Variants in NIBAN1 observed in about 807,000 individuals in gnomAD.
The protein encoded by NIBAN1 is protein Niban 1.
A neutral mutation model predicts 75.1 loss-of-function variants in NIBAN1; 81 were observed. The observed-to-expected ratio is 1.08, with a 90% CI of 0.90 to 1.30. The LOEUF (loss-of-function observed/expected upper bound fraction) is 1.30, where lower values mean the gene tolerates loss of function less well. Among genes scored for constraint, NIBAN1 ranks in the 50% most tolerant of loss-of-function variants. The probability of loss-of-function intolerance (pLI) is 0.00; values close to 1 mark genes in which losing one functional copy is unlikely to be tolerated. For missense variants in NIBAN1, 1,133 were observed against 1,128.1 expected (o/e 1.00, Z -0.06); for synonymous variants, 436 against 424.8 (o/e 1.03, Z -0.32).
intron 1 of NIBAN1, among the ~76,000 whole-genome samples, chr1:184,953,776 A>C (rs1420560849): frequency 2.6e-5 from 4 of 152,232 alleles, no homozygotes; most frequent in Non-Finnish European, 5.9e-5. Context: ...CTGAAACATG[A>C]AATGTGTGAG....
intron 4 of NIBAN1, among the ~76,000 whole-genome samples, chr1:184,887,245 C>G (rs1656550655): frequency 6.6e-6 from 1 of 152,140 alleles, no homozygotes; most frequent in Non-Finnish European, 1.5e-5. Flanking sequence ...GCACCACCAG[C>G]ACAAGCCATG....
At chr1:184,833,407 A>G (rs1655049922) in intron 5 of NIBAN1, among the ~76,000 whole-genome samples, 1 of 151,914 alleles carries the variant, frequency 6.6e-6, no homozygotes, top group Non-Finnish European at 1.5e-5. Flanking sequence ...CTGCATTTTA[A>G]AAAATGTGGA....
At chr1:184,843,932 A>C (rs543329215) in intron 5 of NIBAN1, among the ~76,000 whole-genome samples, 139 of 152,316 alleles carry the variant, frequency 9.1e-4, no homozygotes, top group Non-Finnish European at 1.7e-3. Context: ...CGTGCCTCTC[A>C]GTGACGTTGT....
At chr1:184,866,384 T>C (rs1655957777) in intron 5 of NIBAN1, among the ~76,000 whole-genome samples, 1 of 152,156 alleles carries the variant, frequency 6.6e-6, no homozygotes, top group Non-Finnish European at 1.5e-5. Context: ...AGCTATTGGC[T>C]TAGGATTTAG....
At chr1:184,843,292 G>A (rs954300064) in intron 5 of NIBAN1, among the ~76,000 whole-genome samples, 5 of 152,122 alleles carry the variant, frequency 3.3e-5, no homozygotes, top group African/African-American at 2.4e-5. Flanking sequence ...CAGTGGATAT[G>A]TGGATTATAG....
In NIBAN1 at chr1:184,833,538, T is replaced by C. The variant is rs537298498; in HGVS notation, c.602-1576A>G. 9.9e-5 allele frequency among the ~76,000 whole-genome samples: 15 copies of C among 151,868 alleles called. No individual in the cohort carries two copies. In the South Asian group the frequency reaches 1.5e-3, roughly 15 times the overall value. On this transcript the variant is annotated intron_variant, in intron 5 of 13. Coordinates refer to ENST00000367511, the MANE Select transcript of NIBAN1 (RefSeq NM_052966.4). ...GCCTGGGCAACATAGTGAGACCACA[T>C]GTCTACAAAAAAAATTAGCTGAGCA...
intron 12 of NIBAN1, among the ~76,000 whole-genome samples, chr1:184,798,425 A>G (rs996138477): frequency 6.6e-6 from 1 of 152,228 alleles, no homozygotes; most frequent in Non-Finnish European, 1.5e-5. Flanking sequence ...ACTGTCCATG[A>G]TAAGGTGTGG....
chr1:184,970,664 A>T (rs1658912716), intron 1 of NIBAN1, among the ~76,000 whole-genome samples: 1 of 152,220 alleles, frequency 6.6e-6, no homozygotes, highest in Non-Finnish European at 1.5e-5. Context: ...GTAACTGACT[A>T]TGCAATAATA....
In NIBAN1 at chr1:184,796,021, G is replaced by A. The variant is rs761791622; in HGVS notation, c.1743C>T (p.Ser581=). 3 of 1,610,892 alleles carry A rather than the reference G, an allele frequency of 1.9e-6. No homozygotes were observed. The highest frequency in any genetic ancestry group is 2.5e-6 in the Non-Finnish European group (3 of 1,179,570). The stretch of plus-strand genomic sequence containing the variant: ...TGGGGGGCTTTAGATCTGTTAAGCT[G>A]GACACACTTTCACTGGGCAAGGCCA... The part of the protein sequence containing the change: ...DNMALPSESV[S]SLTDLKPPTG... Residue 581 remains serine, a synonymous_variant, in exon 14 of 14, where the codon TCC becomes TCT. Transcript: ENST00000367511.
At chr1:184,871,128 C>T (rs962194213) in intron 5 of NIBAN1, among the ~76,000 whole-genome samples, 3 of 151,978 alleles carry the variant, frequency 2.0e-5, no homozygotes, top group African/African-American at 7.2e-5. Context: ...GGGCAAATCA[C>T]CTGAGGTCAG....
intron 1 of NIBAN1, among the ~76,000 whole-genome samples, chr1:184,958,193 C>T (rs1658538074): frequency 6.6e-6 from 1 of 152,034 alleles, no homozygotes; most frequent in South Asian, 2.1e-4. Flanking sequence ...ATAGTGAAAC[C>T]CCATCTCTAC....
chr1:184,927,754 C>T (rs1178783120), intron 1 of NIBAN1, among the ~76,000 whole-genome samples: 1 of 152,042 alleles, frequency 6.6e-6, no homozygotes, highest in Non-Finnish European at 1.5e-5. Flanking sequence ...TGAGTTCCCC[C>T]CAGGCCCTGA....
chr1:184,884,215 CTTTTTTTTTTT>C (rs11334000), intron 5 of NIBAN1, among the ~76,000 whole-genome samples: 1 of 66,838 alleles, frequency 1.5e-5, no homozygotes, highest in Admixed American at 1.9e-4. Context: ...ATCTGTGGCT[CTTTTTTTTTTT>C]TTTTTTTTTT....
chr1:184,855,686 T>C (rs1655659401), intron 5 of NIBAN1, among the ~76,000 whole-genome samples: 1 of 152,212 alleles, frequency 6.6e-6, no homozygotes, highest in South Asian at 2.1e-4. Context: ...ACTGTGTTCA[T>C]GGTCTATTTT....
At chr1:184,821,921 C>T (rs1183955691) in intron 8 of NIBAN1, among the ~76,000 whole-genome samples, 1 of 152,126 alleles carries the variant, frequency 6.6e-6, no homozygotes, top group Non-Finnish European at 1.5e-5. Flanking sequence ...AACCTCCTCT[C>T]AGCAGGACCT....
intron 8 of NIBAN1, among the ~76,000 whole-genome samples, chr1:184,822,014 C>T (rs1465225746): frequency 6.6e-6 from 1 of 152,132 alleles, no homozygotes; most frequent in East Asian, 1.9e-4. Context: ...CCGACAGCCC[C>T]GAGACTCTAA....
At chr1:184,884,964 A>T (rs1041584555) in intron 4 of NIBAN1, among the ~76,000 whole-genome samples, 164 bp from the exon 5 acceptor site, 2 of 152,200 alleles carry the variant, frequency 1.3e-5, no homozygotes, top group African/African-American at 4.8e-5. Context: ...CTCCTCTGGC[A>T]TCCCTCCACC....
At position 184,894,124 on chromosome 1, in the gene NIBAN1, T is replaced by C; in HGVS notation, c.269A>G (p.Tyr90Cys). ...AGCATAATCATTTTTAACTACAACGTATCTCTCCTTCCACTTCTTTATGTC... is the reference window on the plus strand; with the variant it reads ...AGCATAATCATTTTTAACTACAACGCATCTCTCCTTCCACTTCTTTATGTC... ...SEDIKKWKER[Y>C]VVVKNDYAVE... Residue 90 changes from tyrosine (Y) to cysteine (C), a missense_variant, in exon 3 of 14, where the codon TAC becomes TGC. Physicochemically the swap from Tyr to Cys is radical, Grantham distance 194 (BLOSUM62 -2). Transcript: ENST00000367511. 6.2e-7 allele frequency: 1 copy of C among 1,612,990 alleles called. No individual in the cohort carries two copies. The highest frequency in any genetic ancestry group is 1.3e-5 in the African/African-American group (1 of 75,028).
intron 5 of NIBAN1, chr1:184,868,320 A>T (rs1268451037): frequency 6.6e-6 from 1 of 152,308 alleles, no homozygotes; most frequent in Admixed American, 6.5e-5. Flanking sequence ...CCAGTATGGG[A>T]ATCCAGTTAA....
Sources: gnomAD v4.1 joint callset for allele counts (sites outside exome capture counted in the v4.1 genomes callset) on GRCh38, gnomAD v4.1.1 for gene constraint, MANE v1.5 for transcripts, NCBI Gene and HGNC (gene_info 2026-07-23, HGNC 2026-07-21) for gene names.